Variants in MANBAL observed in about 807,000 individuals in gnomAD.
MANBAL encodes the protein protein MANBAL.
In MANBAL, 1 loss-of-function variant was observed where a neutral mutation model predicts 6.4. The ratio of observed to expected loss-of-function variants is 0.16; its 90% CI spans 0.06 to 0.74. MANBAL has a LOEUF of 0.74. MANBAL is among the 30% of genes least tolerant of loss of function. The probability of loss-of-function intolerance (pLI) is 0.78; values close to 1 mark genes in which losing one functional copy is unlikely to be tolerated. For synonymous variants in MANBAL, 47 were observed against 45.8 expected, an observed-to-expected ratio of 1.03 and a Z score of -0.10; for missense variants, 100 against 107.8, an observed-to-expected ratio of 0.93 and a Z score of 0.32.
At chr20:37,312,520 T>TG (rs2069411977) in intron 2 of MANBAL, among the ~76,000 whole-genome samples, 1 of 152,148 alleles carries the variant, frequency 6.6e-6, no homozygotes. Flanking sequence ...ATGACCTGAG[T>TG]GTCTGTTCCT....
At chr20:37,313,162 A>C (rs1340007899) in intron 2 of MANBAL, among the ~76,000 whole-genome samples, 1 of 143,552 alleles carries the variant, frequency 7.0e-6, no homozygotes, top group African/African-American at 2.6e-5. Context: ...GCAGATCACG[A>C]GGTCAGGAGA....
At chr20:37,291,084 GAGA>G (rs76856110) in intron 1 of MANBAL, among the ~76,000 whole-genome samples, 5,493 of 152,282 alleles carry the variant, frequency 0.036, 128 homozygotes, top group Middle Eastern at 0.065. Context: ...TCAGTCTTAA[GAGA>G]AGATTTAGTA....
At chr20:37,303,293 A>G (rs993565824) in intron 2 of MANBAL, among the ~76,000 whole-genome samples, 16 of 152,052 alleles carry the variant, frequency 1.1e-4, no homozygotes, top group African/African-American at 3.9e-4. Flanking sequence ...TAGCTAGAAA[A>G]TAGTATCTAG....
chr20:37,299,262 A>G, intron 1 of MANBAL, among the ~76,000 whole-genome samples: 1 of 151,704 alleles, frequency 6.6e-6, no homozygotes, highest in East Asian at 1.9e-4. Context: ...TTTTTTTTGT[A>G]GAGATGGGGT....
At chr20:37,293,259 G>A (rs1600894358) in intron 1 of MANBAL, among the ~76,000 whole-genome samples, 1 of 152,310 alleles carries the variant, frequency 6.6e-6, no homozygotes, top group South Asian at 2.1e-4. Flanking sequence ...TCACCATAAT[G>A]TAGAATCAGT....
intron 2 of MANBAL, among the ~76,000 whole-genome samples, chr20:37,313,137 G>T (rs930830019): frequency 6.6e-6 from 1 of 152,092 alleles, no homozygotes; most frequent in African/African-American, 2.4e-5. Flanking sequence ...CCAGCACTTT[G>T]GGAGGCCGAA....
Position 37,301,366 on chromosome 20 carries a change from A to T in MANBAL, c.103A>T (p.Ile35Phe). The change falls in exon 2 of 3, where the codon ATC (isoleucine) becomes TTC (phenylalanine). Residue 35 changes from isoleucine to phenylalanine, a missense_variant. Transcript: ENST00000373606. ...CTTCCTGGGAGCCATCTTCCAGCTC[A>T]TCTGTGTGCTGGCCATCATCGTACC... The part of the protein sequence containing the change: ...GLFLGAIFQL[I>F]CVLAIIVPIP... 6.2e-7 allele frequency: 1 copy of T among 1,613,752 alleles called. No homozygotes were observed. Among genetic ancestry groups the T allele is most frequent in the South Asian group, 1.1e-5 (1 of 91,042 alleles).
chr20:37,313,063 C>T (rs543912899), intron 2 of MANBAL, among the ~76,000 whole-genome samples: 82 of 152,204 alleles, frequency 5.4e-4, no homozygotes, highest in Non-Finnish European at 9.8e-4. Context: ...TGCTCATGGG[C>T]TAATAGGGGA....
chr20:37,304,649 G>C (rs548680769), intron 2 of MANBAL, among the ~76,000 whole-genome samples: 126 of 152,302 alleles, frequency 8.3e-4, no homozygotes, highest in African/African-American at 3.0e-3. Flanking sequence ...TCCTGGAGAT[G>C]CTGCTTCTGT....
intron 2 of MANBAL, among the ~76,000 whole-genome samples, chr20:37,313,644 T>A (rs1478530899): frequency 6.6e-6 from 1 of 152,116 alleles, no homozygotes; most frequent in Non-Finnish European, 1.5e-5. Flanking sequence ...AGGCGGAGGT[T>A]GCAATGAGCT....
At chr20:37,306,017 AG>A (rs1329045260) in intron 2 of MANBAL, among the ~76,000 whole-genome samples, 4 of 152,192 alleles carry the variant, frequency 2.6e-5, no homozygotes, top group Admixed American at 6.5e-5. Flanking sequence ...GGGTACTCTT[AG>A]GGAGAAAGGG....
At chr20:37,310,760 C>T (rs1043964720) in intron 2 of MANBAL, among the ~76,000 whole-genome samples, 1 of 152,122 alleles carries the variant, frequency 6.6e-6, no homozygotes, top group Admixed American at 6.5e-5. Flanking sequence ...CCAGGAGCCA[C>T]CTGGCCTCGG....
At chr20:37,294,412 C>T (rs1452347685) in intron 1 of MANBAL, among the ~76,000 whole-genome samples, 5 of 152,218 alleles carry the variant, frequency 3.3e-5, no homozygotes, top group African/African-American at 1.2e-4. Context: ...CTGTTGTCAA[C>T]AAAGCAGCCA....
At chr20:37,289,947 T>C (rs1359866343) in intron 1 of MANBAL, among the ~76,000 whole-genome samples, 1 of 152,214 alleles carries the variant, frequency 6.6e-6, no homozygotes, top group Non-Finnish European at 1.5e-5. Context: ...AACCCAGGGC[T>C]CCTCATGGCC....
chr20:37,289,851 T>C (rs1024150462), intron 1 of MANBAL, among the ~76,000 whole-genome samples, 165 bp downstream of exon 1: 1 of 152,212 alleles, frequency 6.6e-6, no homozygotes. Context: ...GTTCGAAAGT[T>C]ACTTCCGGAG....
chr20:37,296,034 T>A (rs2068988153), intron 1 of MANBAL, among the ~76,000 whole-genome samples: 1 of 152,072 alleles, frequency 6.6e-6, no homozygotes, highest in Non-Finnish European at 1.5e-5. Context: ...TCCAGAACCT[T>A]TTCACAACCA....
At chr20:37,306,897 T>C (rs1239787984) in intron 2 of MANBAL, among the ~76,000 whole-genome samples, 2 of 152,214 alleles carry the variant, frequency 1.3e-5, no homozygotes, top group African/African-American at 2.4e-5. Context: ...TGGGGAACTT[T>C]CAAAGGCCTA....
At chr20:37,302,318 T>A in intron 2 of MANBAL, 1 of 1,550,634 alleles carries the variant, frequency 6.4e-7, no homozygotes, top group Non-Finnish European at 8.7e-7. Flanking sequence ...CCAGTCAGGT[T>A]ATTGGGTACG....
intron 2 of MANBAL, among the ~76,000 whole-genome samples, chr20:37,310,530 G>A (rs2146826354): frequency 6.6e-6 from 1 of 152,210 alleles, no homozygotes; most frequent in East Asian, 1.9e-4. Flanking sequence ...TGCGTAGAAT[G>A]ACATTTTGTC....
Sources: allele counts gnomAD v4.1 joint callset (sites outside exome capture counted in the v4.1 genomes callset), GRCh38; gene constraint gnomAD v4.1.1; transcripts MANE v1.5; gene names NCBI Gene and HGNC (gene_info 2026-07-23, HGNC 2026-07-21).